The following EWSR1 variants were observed in gnomAD, a reference collection of about 807,000 sequenced individuals.
The protein encoded by EWSR1 is RNA-binding protein EWS.
A neutral mutation model predicts 92.1 loss-of-function variants in EWSR1; 14 were observed. The ratio of observed to expected loss-of-function variants is 0.15; its 90% CI spans 0.10 to 0.24. The LOEUF (loss-of-function observed/expected upper bound fraction) is 0.24. Among genes scored for constraint, EWSR1 ranks in the 10% least tolerant of loss-of-function variants. The probability of loss-of-function intolerance (pLI) is 1.00; values close to 1 mark genes in which losing one functional copy is unlikely to be tolerated. For synonymous variants in EWSR1, 303 were observed against 292.9 expected (o/e 1.03, Z -0.35); for missense variants, 637 against 870.9 (o/e 0.73, Z 3.38).
chr22:29,296,018 C>T (rs1363374282), intron 11 of EWSR1: 1 of 501,004 alleles, frequency 2.0e-6, no homozygotes. Flanking sequence ...TGGGGCCTAT[C>T]CTGTTCACTT....
rs139491933 is a variant in EWSR1, at chr22:29,289,908, A to G, written c.974+1122A>G. 104 of 230,696 alleles carry G rather than the reference A, an allele frequency of 4.5e-4. No homozygotes were observed. In the East Asian group the frequency reaches 4.7e-3, roughly 10 times the overall value. The allele number at this position is 230,696 out of a possible 1,614,324, so 14.3% of individuals were successfully genotyped here. On this transcript the variant is annotated intron_variant, in intron 8 of 16. Coordinates refer to ENST00000397938, the MANE Select transcript of EWSR1 (RefSeq NM_005243.4). ...AATGATTCGGTATGAAGTAAAATCA[A>G]TCTTCTGATTTGGAAAATACTCTAT...
intron 6 of EWSR1, among the ~76,000 whole-genome samples, chr22:29,286,686 CAAAAAAAAAAAAA>C (rs373796997): frequency 5.2e-5 from 4 of 76,352 alleles, no homozygotes; most frequent in Admixed American, 1.7e-4. Flanking sequence ...CACTCTGTCT[CAAAAAAAAAAAAA>C]AAAAAAAAAA....
chr22:29,277,772 T>A (rs376786758), intron 4 of EWSR1: 1 of 435,092 alleles, frequency 2.3e-6, no homozygotes, highest in African/African-American at 2.0e-5. Context: ...AACCCTGTTT[T>A]CTGTAGCATG....
At chr22:29,288,514 T>C (rs2060219106) in intron 7 of EWSR1, 92 bp from the exon 8 acceptor site, 1 of 1,304,632 alleles carries the variant, frequency 7.7e-7, no homozygotes, top group African/African-American at 1.5e-5. Flanking sequence ...GTTAGTGCCT[T>C]GGAATTGAGG....
chr22:29,273,839 A>G lies in EWSR1; in HGVS notation c.201A>G (p.Ala67=), dbSNP rs139048680. Residue 67 remains alanine, a synonymous_variant, in exon 4 of 17, where the codon GCA becomes GCG. Coordinates refer to ENST00000397938, the MANE Select transcript of EWSR1 (RefSeq NM_005243.4). ...TTATYGQTAY[A]TSYGQPPTGY... is the part of the protein sequence containing the mutation. ...CAACCTATGGGCAGACCGCCTATGC[A>G]ACTTCTTATGGACAGCCTCCCACTG... is the stretch of plus-strand genomic sequence containing the variant. 1.5e-4 allele frequency: 237 copies of G among 1,613,926 alleles called. No homozygotes were observed. Among genetic ancestry groups the G allele is most frequent in the Non-Finnish European group, 1.9e-4 (223 of 1,179,968 alleles).
intron 15 of EWSR1, 33 bp from the exon 16 acceptor site, chr22:29,299,566 C>G (rs961652078): frequency 4.5e-6 from 7 of 1,555,294 alleles, no homozygotes; most frequent in African/African-American, 1.4e-5. Flanking sequence ...CAGCCACCCA[C>G]TGACTGCTTT....
At chr22:29,298,390 C>T (rs2061037455) in intron 13 of EWSR1, among the ~76,000 whole-genome samples, 1 of 151,984 alleles carries the variant, frequency 6.6e-6, no homozygotes, top group Non-Finnish European at 1.5e-5. Flanking sequence ...CCTGTAATCC[C>T]AGCTACTCGG....
intron 13 of EWSR1, 41 bp downstream of exon 13, chr22:29,297,990 A>G (rs758991604): frequency 3.1e-6 from 5 of 1,590,824 alleles, no homozygotes; most frequent in Middle Eastern, 1.7e-4. Flanking sequence ...AAAGGTTTTC[A>G]GTACACTTCA....
chr22:29,268,661 G>C (rs1053041397), intron 1 of EWSR1, among the ~76,000 whole-genome samples: 1 of 152,208 alleles, frequency 6.6e-6, no homozygotes, highest in Admixed American at 6.5e-5. Context: ...CACGTGGGCG[G>C]GGCCTGCGGC....
Position 29,300,385 on chromosome 22 carries a change from A to C in EWSR1, c.*224A>C. On this transcript the variant is annotated 3_prime_UTR_variant, in exon 17 of 17. Coordinates refer to ENST00000397938, the MANE Select transcript of EWSR1 (RefSeq NM_005243.4). ...CTTCTTTTAAAAATGGTTGTTTAAG[A>C]CTTTAACAATGGGAACCCCTTGTGA... 2.1e-6 allele frequency: 1 copy of C among 484,950 alleles called. No homozygotes were observed. The highest frequency in any genetic ancestry group is 3.7e-6 in the Non-Finnish European group (1 of 271,222). 30.0% of individuals were successfully genotyped at this position (484,950 alleles called of 1,614,324 possible).
chr22:29,284,912 C>G lies in EWSR1; in HGVS notation c.582-2011C>G, dbSNP rs1295079043. ...TTGGCTCACCGCAACCCTCGCCTCC[C>G]AGGTTAAAGTGATTCTCCTACGTCA... is the stretch of plus-strand genomic sequence containing the variant. On this transcript the variant is annotated intron_variant, in intron 6 of 16. Transcript: ENST00000397938. Among the ~76,000 whole-genome samples the G allele has an allele frequency of 2.0e-5, 3 of 151,310 alleles. No individual in the cohort carries two copies. In the East Asian group the frequency reaches 5.8e-4, roughly 29 times the overall value.
intron 9 of EWSR1, 108 bp from the exon 10 acceptor site, chr22:29,292,029 G>T (rs966188194): frequency 1.0e-6 from 1 of 953,864 alleles, no homozygotes; most frequent in Non-Finnish European, 1.7e-6. Context: ...TGAGTTTAAT[G>T]AATCCCCATC....
intron 4 of EWSR1, chr22:29,277,477 C>T (rs1036626389): frequency 8.8e-6 from 2 of 226,534 alleles, no homozygotes; most frequent in South Asian, 1.8e-4. Flanking sequence ...GCTTGTGCTT[C>T]ACATGATGTT....
At chr22:29,290,507 C>T (rs2147488273) in intron 8 of EWSR1, 2 of 1,612,024 alleles carry the variant, frequency 1.2e-6, no homozygotes, top group Non-Finnish European at 1.7e-6. Flanking sequence ...GGACTAGACA[C>T]GGTGTCCATA....
chr22:29,292,974 T>A (rs138604656), intron 11 of EWSR1, among the ~76,000 whole-genome samples: 1 of 152,020 alleles, frequency 6.6e-6, no homozygotes, highest in African/African-American at 2.4e-5. Context: ...GGTCTCAAAC[T>A]CCTGACCTCA....
At chr22:29,293,621 G>A (rs1602506260) in intron 11 of EWSR1, among the ~76,000 whole-genome samples, 1 of 152,298 alleles carries the variant, frequency 6.6e-6, no homozygotes, top group African/African-American at 2.4e-5. Flanking sequence ...CTGGAGTGCA[G>A]TGGCACGATC....
chr22:29,292,272 A>G, intron 10 of EWSR1, 103 bp downstream of exon 10: 1 of 1,242,014 alleles, frequency 8.1e-7, no homozygotes, highest in South Asian at 1.2e-5. Flanking sequence ...CCAGTGTGAT[A>G]TTCTTGCTGT....
chr22:29,277,768 G>C (rs554889928), intron 4 of EWSR1: 1 of 430,426 alleles, frequency 2.3e-6, no homozygotes, highest in Admixed American at 3.9e-5. Context: ...AAGGAACCCT[G>C]TTTTCTGTAG....
chr22:29,286,307 G>A (rs570362085), intron 6 of EWSR1, among the ~76,000 whole-genome samples: 1 of 151,936 alleles, frequency 6.6e-6, no homozygotes, highest in African/African-American at 2.4e-5. Context: ...ATGAGCCTCC[G>A]CTCCCAGCTG....
Sources: gnomAD v4.1 joint callset for allele counts (sites outside exome capture counted in the v4.1 genomes callset) on GRCh38, gnomAD v4.1.1 for gene constraint, MANE v1.5 for transcripts, NCBI Gene and HGNC (gene_info 2026-07-23, HGNC 2026-07-21) for gene names.